The following TCF4 variants were observed in gnomAD, a reference collection of about 807,000 sequenced individuals.
The protein encoded by TCF4 is SL3-3 enhancer factor 2.
A neutral mutation model predicts 82.1 loss-of-function variants in TCF4; 3 were observed. That is an observed-to-expected ratio of 0.04 (90% CI 0.02 to 0.09). TCF4 has a LOEUF of 0.09. Among genes scored for constraint, TCF4 ranks in the 10% least tolerant of loss-of-function variants. The pLI is 1.00. For missense variants in TCF4, 518 were observed against 852.7 expected, an observed-to-expected ratio of 0.61 and a Z score of 4.89; for synonymous variants, 276 against 309.6, an observed-to-expected ratio of 0.89 and a Z score of 1.14.
In TCF4 at chr18:55,259,403, G is replaced by A. The variant is rs1466680552; in HGVS notation, c.1069+546C>T. On this transcript the variant is annotated intron_variant, in intron 13 of 19. Coordinates refer to ENST00000354452, the MANE Select transcript of TCF4 (RefSeq NM_001083962.2). ...TTCAATTTGAAGCCACAGGTCATAC[G>A]AATGTATTATACTTTGAAGTCAAAC... 3.9e-5 allele frequency among the ~76,000 whole-genome samples: 6 copies of A among 152,216 alleles called. No individual in the cohort carries two copies. The South Asian group carries it at 8.3e-4, about 21-fold the overall frequency.
intron 8 of TCF4, among the ~76,000 whole-genome samples, chr18:55,306,807 A>G (rs954436581): frequency 7.2e-5 from 11 of 152,378 alleles, no homozygotes; most frequent in African/African-American, 2.6e-4. Context: ...ACATGGCATC[A>G]TACCAGCCAC....
intron 6 of TCF4, chr18:55,352,018 A>G (rs1365371611): frequency 1.8e-5 from 11 of 601,952 alleles, no homozygotes; most frequent in Non-Finnish European, 2.3e-5. Context: ...AAAGTACAGA[A>G]TGTGTTTTCC....
intron 2 of TCF4, among the ~76,000 whole-genome samples, chr18:55,620,689 T>C (rs1043301366): frequency 7.9e-5 from 12 of 152,212 alleles, no homozygotes; most frequent in African/African-American, 2.9e-4. Flanking sequence ...GCTATTAGGC[T>C]GGGCAATCAT....
intron 5 of TCF4, among the ~76,000 whole-genome samples, chr18:55,443,030 G>A (rs1229989148): frequency 6.6e-6 from 1 of 152,212 alleles, no homozygotes; most frequent in Admixed American, 6.5e-5. Context: ...TGGGAAGTCT[G>A]TAGCTGCAAA....
chr18:55,583,639 A>T (rs1022705023), intron 3 of TCF4, among the ~76,000 whole-genome samples: 1 of 152,122 alleles, frequency 6.6e-6, no homozygotes, highest in Non-Finnish European at 1.5e-5. Context: ...ACAACATTGC[A>T]AACTAGTTTT....
At chr18:55,526,481 G>T (rs745922259) in intron 3 of TCF4, among the ~76,000 whole-genome samples, 14 of 152,092 alleles carry the variant, frequency 9.2e-5, no homozygotes, top group Non-Finnish European at 1.5e-5. Flanking sequence ...GATAACAAGA[G>T]ATCTAGCAGA....
chr18:55,230,148 C>CAAAAAA (rs398041379), intron 17 of TCF4: 4 of 103,282 alleles, frequency 3.9e-5, no homozygotes, highest in Non-Finnish European at 3.6e-5. Flanking sequence ...CTGTCTCTTA[C>CAAAAAA]AAAAAAAAAA....
At chr18:55,454,587 C>G (rs1254453209) in intron 5 of TCF4, among the ~76,000 whole-genome samples, 1 of 152,082 alleles carries the variant, frequency 6.6e-6, no homozygotes, top group African/African-American at 2.4e-5. Flanking sequence ...CTGGAATCAG[C>G]TGAGATATAA....
intron 8 of TCF4, among the ~76,000 whole-genome samples, chr18:55,287,102 T>C (rs191010260): frequency 4.1e-4 from 63 of 152,278 alleles, no homozygotes; most frequent in Admixed American, 4.1e-3. Context: ...TTCACAACTA[T>C]CAAAAAGTGT....
intron 3 of TCF4, among the ~76,000 whole-genome samples, chr18:55,582,336 T>C (rs1336201920): frequency 6.6e-6 from 1 of 152,154 alleles, no homozygotes; most frequent in Non-Finnish European, 1.5e-5. Context: ...ACCATATAGG[T>C]TATAACTATT....
At chr18:55,468,931 A>G (rs555625942) in intron 3 of TCF4, among the ~76,000 whole-genome samples, 1 of 141,926 alleles carries the variant, frequency 7.0e-6, no homozygotes, top group Non-Finnish European at 1.5e-5. Context: ...ATGGGAGAAT[A>G]AAGAGAAAGA....
chr18:55,254,498 A>G lies in TCF4; in HGVS notation c.1349T>C (p.Met450Thr), dbSNP rs774283982. The G allele has an allele frequency of 9.3e-6, 15 of 1,613,326 alleles. No individual in the cohort carries two copies. Among genetic ancestry groups the G allele is most frequent in the African/African-American group, 1.3e-5 (1 of 74,890 alleles). ...GAGTCTATAAATTTCATCACTTACC[A>G]TGAGTGAATGTCTGTTGGCTGAAAG... ...GLLSANRHSLMVGTHREDGVA... is the reference protein window; with the variant it reads ...GLLSANRHSLTVGTHREDGVA... The change falls in exon 15 of 20, where the codon ATG (methionine) becomes ACG (threonine). Residue 450 changes from methionine to threonine, a missense_variant and splice_region_variant. Physicochemically the swap from Met to Thr is moderately conservative, Grantham distance 81 (BLOSUM62 -1). This residue lies in a region of TCF4 where 144 missense variants were observed against 190.2 expected (regional missense o/e 0.76). Transcript: ENST00000354452.
intron 3 of TCF4, among the ~76,000 whole-genome samples, chr18:55,535,077 ACCATAG>A (rs1288368060): frequency 6.6e-6 from 1 of 152,220 alleles, no homozygotes; most frequent in African/African-American, 2.4e-5. Flanking sequence ...AAGGCACTTT[ACCATAG>A]CCAACACATC....
chr18:55,617,583 T>G (rs1467071005), intron 2 of TCF4, among the ~76,000 whole-genome samples: 2 of 152,148 alleles, frequency 1.3e-5, no homozygotes, highest in African/African-American at 4.8e-5. Context: ...GCTTTTCATT[T>G]ATTTGTGTCA....
At chr18:55,433,617 G>A (rs1175593796) in intron 5 of TCF4, among the ~76,000 whole-genome samples, 3 of 152,234 alleles carry the variant, frequency 2.0e-5, no homozygotes, top group Non-Finnish European at 4.4e-5. Flanking sequence ...AGAGACCAGA[G>A]AGCCAGGAGA....
chr18:55,322,235 C>G (rs2075754495), intron 8 of TCF4: 3 of 1,057,332 alleles, frequency 2.8e-6, no homozygotes, highest in Middle Eastern at 4.2e-4. Flanking sequence ...AGTTAATTGA[C>G]TCCCCCTCTC....
chr18:55,398,926 G>C (rs2093646529), intron 6 of TCF4, among the ~76,000 whole-genome samples: 1 of 152,202 alleles, frequency 6.6e-6, no homozygotes, highest in East Asian at 1.9e-4. Flanking sequence ...CCCTGCAAGG[G>C]AGAGCTTCCC....
chr18:55,513,073 T>C (rs1286342003), intron 3 of TCF4, among the ~76,000 whole-genome samples: 1 of 152,192 alleles, frequency 6.6e-6, no homozygotes, highest in African/African-American at 2.4e-5. Context: ...GCACCATCTT[T>C]TGGATTTCTG....
At chr18:55,444,849 T>A (rs2095498961) in intron 5 of TCF4, among the ~76,000 whole-genome samples, 1 of 152,190 alleles carries the variant, frequency 6.6e-6, no homozygotes, top group African/African-American at 2.4e-5. Flanking sequence ...TCTCCTCATA[T>A]ATTCTACATC....
Sources: allele counts gnomAD v4.1 joint callset (sites outside exome capture counted in the v4.1 genomes callset), GRCh38; gene constraint gnomAD v4.1.1; regional missense constraint gnomAD v4.1.1; transcripts MANE v1.5; gene names NCBI Gene and HGNC (gene_info 2026-07-23, HGNC 2026-07-21).